The following MAMDC2 variants were observed in gnomAD, a reference collection of about 807,000 sequenced individuals.
MAMDC2 encodes the protein MAM domain containing 2.
A neutral mutation model predicts 89.8 loss-of-function variants in MAMDC2; 57 were observed. That is an observed-to-expected ratio of 0.63 (90% CI 0.51 to 0.79). The LOEUF is 0.79. Among genes scored for constraint, MAMDC2 ranks in the 30% least tolerant of loss-of-function variants. The pLI, the probability that MAMDC2 is intolerant of heterozygous loss-of-function variation, is 0.00. For synonymous variants in MAMDC2, 313 were observed against 293.4 expected (o/e 1.07, Z -0.68); for missense variants, 800 against 820.6 (o/e 0.97, Z 0.31).
At chr9:70,054,764 G>A (rs2975917) in intron 2 of MAMDC2, among the ~76,000 whole-genome samples, 50,768 of 151,868 alleles carry the variant, frequency 0.33, 9,856 homozygotes, top group African/African-American at 0.54. Context: ...CTTTGTACCC[G>A]TATAATTCCA....
chr9:70,162,921 A>AAC (rs2032027226), intron 9 of MAMDC2, among the ~76,000 whole-genome samples: 1 of 151,784 alleles, frequency 6.6e-6, no homozygotes, highest in South Asian at 2.1e-4. Flanking sequence ...AAAAAAAAAA[A>AAC]AAACTTTAGA....
At chr9:70,111,514 T>C (rs1231650431) in intron 4 of MAMDC2, among the ~76,000 whole-genome samples, 3 of 152,194 alleles carry the variant, frequency 2.0e-5, no homozygotes, top group Admixed American at 6.5e-5. Flanking sequence ...GCTTTGAAGA[T>C]TGAATAAGTT....
intron 11 of MAMDC2, among the ~76,000 whole-genome samples, chr9:70,204,915 C>G (rs889144885): frequency 1.3e-5 from 2 of 152,196 alleles, no homozygotes; most frequent in Non-Finnish European, 2.9e-5. Context: ...TGCTTCAGCT[C>G]GCGCATGGTG....
intron 2 of MAMDC2, among the ~76,000 whole-genome samples, chr9:70,069,213 C>A (rs1485352201): frequency 6.6e-6 from 1 of 152,138 alleles, no homozygotes; most frequent in African/African-American, 2.4e-5. Context: ...TGCATGCACA[C>A]CAAAAGAGTT....
intron 6 of MAMDC2, among the ~76,000 whole-genome samples, chr9:70,126,824 CTGTT>C (rs1320333427): frequency 3.4e-5 from 5 of 148,884 alleles, no homozygotes; most frequent in Non-Finnish European, 5.9e-5. Context: ...CTTGAGTGAA[CTGTT>C]TTTTTTTTTT....
intron 11 of MAMDC2, among the ~76,000 whole-genome samples, chr9:70,203,195 G>A (rs1474115148): frequency 1.1e-4 from 16 of 152,012 alleles, no homozygotes; most frequent in African/African-American, 2.7e-4. Context: ...GGCTGGTACC[G>A]GTTGTTCCTT....
intron 2 of MAMDC2, among the ~76,000 whole-genome samples, chr9:70,096,153 TAGCTGGGACCACA>T (rs775369924): frequency 2.0e-5 from 3 of 151,876 alleles, no homozygotes; most frequent in Non-Finnish European, 2.9e-5. Flanking sequence ...GTCTGCTGAG[TAGCTGGGACCACA>T]GGTGCCATGC....
At chr9:70,179,090 T>C (rs1291824710) in intron 11 of MAMDC2, among the ~76,000 whole-genome samples, 1 of 152,184 alleles carries the variant, frequency 6.6e-6, no homozygotes, top group African/African-American at 2.4e-5. Flanking sequence ...ACACTTATCA[T>C]AGGAAACATT....
intron 5 of MAMDC2, among the ~76,000 whole-genome samples, chr9:70,120,528 A>T (rs2030237260): frequency 6.6e-6 from 1 of 152,200 alleles, no homozygotes; most frequent in South Asian, 2.1e-4. Flanking sequence ...CCAACTCTTT[A>T]TAGAAACCCC....
intron 8 of MAMDC2, among the ~76,000 whole-genome samples, chr9:70,141,406 C>T (rs186485598): frequency 3.9e-5 from 6 of 152,208 alleles, no homozygotes; most frequent in Admixed American, 1.3e-4. Flanking sequence ...CAATAGTGAA[C>T]GAATCTGAAA....
chr9:70,190,496 T>C (rs2032855670), intron 11 of MAMDC2, among the ~76,000 whole-genome samples: 1 of 152,004 alleles, frequency 6.6e-6, no homozygotes, highest in Non-Finnish European at 1.5e-5. Context: ...TGCCTTAGCC[T>C]CCATTTCTTG....
chr9:70,177,063 T>C (rs2032522987), intron 11 of MAMDC2, among the ~76,000 whole-genome samples: 1 of 152,198 alleles, frequency 6.6e-6, no homozygotes, highest in African/African-American at 2.4e-5. Context: ...TTGTTCTCAA[T>C]TTCACAGACA....
chr9:70,159,047 TAC>T (rs755304556), intron 9 of MAMDC2, among the ~76,000 whole-genome samples: 17,472 of 144,534 alleles, frequency 0.12, 1,256 homozygotes, highest in African/African-American at 0.22. Flanking sequence ...GCATGCATAA[TAC>T]ACACACACAC....
chr9:70,091,577 C>T (rs75416635), intron 2 of MAMDC2, among the ~76,000 whole-genome samples: 538 of 152,242 alleles, frequency 3.5e-3, no homozygotes, highest in Non-Finnish European at 5.4e-3. Flanking sequence ...AACATATTTA[C>T]GAATTTTTAA....
intron 5 of MAMDC2, among the ~76,000 whole-genome samples, chr9:70,116,265 G>C (rs2029986495): frequency 6.6e-6 from 1 of 152,210 alleles, no homozygotes; most frequent in Admixed American, 6.5e-5. Context: ...AGGCAACAGA[G>C]CAGTGGACTA....
intron 7 of MAMDC2, among the ~76,000 whole-genome samples, chr9:70,139,075 T>A (rs2031102675): frequency 6.6e-6 from 1 of 152,048 alleles, no homozygotes; most frequent in Admixed American, 6.6e-5. Context: ...AAGAAGTATA[T>A]GAATAAACAT....
intron 7 of MAMDC2, among the ~76,000 whole-genome samples, chr9:70,137,769 A>T (rs1355909321): frequency 6.6e-6 from 1 of 152,194 alleles, no homozygotes; most frequent in Non-Finnish European, 1.5e-5. Context: ...CAGCATTCAG[A>T]CAAGAATCAC....
chr9:70,214,993 G>C (rs1266776544), intron 11 of MAMDC2, among the ~76,000 whole-genome samples: 1 of 152,172 alleles, frequency 6.6e-6, no homozygotes, highest in Non-Finnish European at 1.5e-5. Flanking sequence ...CAAAAAGGTT[G>C]AAAATTTGAG....
intron 2 of MAMDC2, among the ~76,000 whole-genome samples, chr9:70,092,014 A>G (rs1191685610): frequency 6.6e-6 from 1 of 152,236 alleles, no homozygotes; most frequent in Non-Finnish European, 1.5e-5. Flanking sequence ...TAATTTTAAA[A>G]TATCTTTACC....
Sources: gnomAD v4.1 joint callset for allele counts (sites outside exome capture counted in the v4.1 genomes callset) on GRCh38, gnomAD v4.1.1 for gene constraint, MANE v1.5 for transcripts, NCBI Gene and HGNC (gene_info 2026-07-23, HGNC 2026-07-21) for gene names.